Variants in NCDN observed in about 807,000 individuals in gnomAD.
The protein encoded by NCDN is norbin.
Under a neutral mutation model 60.7 loss-of-function variants are expected in NCDN, and 9 were observed. That is an observed-to-expected ratio of 0.15 (90% CI 0.09 to 0.26). The LOEUF is 0.26. NCDN is among the 10% of genes least tolerant of loss of function. The pLI is 1.00. For synonymous variants in NCDN, 409 were observed against 442.5 expected (o/e 0.92, Z 0.95); for missense variants, 578 against 975.2 (o/e 0.59, Z 5.42).
chr1:35,565,674 CCGGG>C lies in NCDN; in HGVS notation c.*12_*15del. On this transcript the variant is annotated 3_prime_UTR_variant, in exon 7 of 7. Transcript: ENST00000373243. This position sits in a 1 kb window ranked among gnomAD's most constrained non-coding sequence, Gnocchi z 8.9. The stretch of plus-strand genomic sequence containing the variant: ...CTGTCAGAGCCCTGAGGGGTGTCCA[CCGGG>C]GACAGACCCAGGGGCGGGCAGAGAG... 1 of 1,539,446 alleles carries C rather than the reference CCGGG, an allele frequency of 6.5e-7. No individual in the cohort carries two copies. Among genetic ancestry groups the C allele is most frequent in the Non-Finnish European group, 8.7e-7 (1 of 1,148,610 alleles).
Position 35,560,391 on chromosome 1 carries a change from C to G in NCDN, c.240C>G (p.Val80=), listed in dbSNP as rs146042879. 8 of 1,614,006 alleles carry G rather than the reference C, an allele frequency of 5.0e-6. No individual in the cohort carries two copies. The highest frequency in any genetic ancestry group is 5.9e-6 in the Non-Finnish European group (7 of 1,180,044). The part of the protein sequence containing the change: ...AKTRRRIFDA[V]GFTFPNRLLT... ...CTCGGCGGCGGATCTTCGATGCTGTCGGCTTCACCTTCCCCAATCGTCTCC... is the reference window on the plus strand; with the variant it reads ...CTCGGCGGCGGATCTTCGATGCTGTGGGCTTCACCTTCCCCAATCGTCTCC... Residue 80 remains valine (V), a synonymous_variant, in exon 3 of 7, where the codon GTC becomes GTG. Coordinates refer to ENST00000373243, the MANE Select transcript of NCDN (RefSeq NM_014284.3). This position sits in a 1 kb window ranked among gnomAD's most constrained non-coding sequence, Gnocchi z 7.6.
chr1:35,564,889 G>A (rs1328838838), intron 6 of NCDN, among the ~76,000 whole-genome samples: 2 of 152,034 alleles, frequency 1.3e-5, no homozygotes, highest in African/African-American at 2.4e-5. Context: ...CCAGAACCCT[G>A]AGGGGTTCTC....
chr1:35,562,392 G>C lies in NCDN; in HGVS notation c.1144G>C (p.Val382Leu), dbSNP rs752994640. The C allele has an allele frequency of 6.2e-7, 1 of 1,613,794 alleles. No individual in the cohort carries two copies. Among genetic ancestry groups the C allele is most frequent in the African/African-American group, 1.3e-5 (1 of 75,048 alleles). ...IGAVIHYLLQVGSEKQKEPFV... is the reference protein window; with the variant it reads ...IGAVIHYLLQLGSEKQKEPFV... ...TCTCAAGGGGGTCCTGTGGCAACAG[G>C]TGGGGTCAGAGAAGCAGAAGGAGCC... The change falls in exon 4 of 7, where the codon GTG becomes CTG. Residue 382 changes from valine (V) to leucine (L), a missense_variant and splice_region_variant. By Grantham distance (32) the Val-to-Leu change is conservative (BLOSUM62 1). Coordinates refer to ENST00000373243, the MANE Select transcript of NCDN (RefSeq NM_014284.3). This position sits in a 1 kb window ranked among gnomAD's most constrained non-coding sequence, Gnocchi z 6.8.
chr1:35,560,258 G>C lies in NCDN; in HGVS notation c.175-68G>C. The stretch of plus-strand genomic sequence containing the variant: ...ATCTTGCTAGTCCTCAGTGCCCCAG[G>C]ATGCAGGAGAGGGACAGTCTTTCCC... On this transcript the variant is annotated intron_variant, in intron 2 of 6. Coordinates refer to ENST00000373243, the MANE Select transcript of NCDN (RefSeq NM_014284.3). This position sits in a 1 kb window ranked among gnomAD's most constrained non-coding sequence, Gnocchi z 7.6. 1 of 1,545,768 alleles carries C rather than the reference G, an allele frequency of 6.5e-7. No homozygotes were observed. The highest frequency in any genetic ancestry group is 2.3e-5 in the East Asian group (1 of 44,380).
Position 35,561,759 on chromosome 1 carries a change from C to T in NCDN, c.1143+465C>T, listed in dbSNP as rs919269486. Reference sequence around the variant, plus strand: ...CTATAGAGGTCTGGCTAGATCAATTCGCCTGCCTCCCCTACATCCCCTCCT... The same window carrying T: ...CTATAGAGGTCTGGCTAGATCAATTTGCCTGCCTCCCCTACATCCCCTCCT... On this transcript the variant is annotated intron_variant, in intron 3 of 6. Transcript: ENST00000373243. This position sits in a 1 kb window ranked among gnomAD's most constrained non-coding sequence, Gnocchi z 4.9. Among the ~76,000 whole-genome samples, 4 of 152,144 alleles carry T rather than the reference C, an allele frequency of 2.6e-5. No homozygotes were observed. Among genetic ancestry groups the T allele is most frequent in the African/African-American group, 7.2e-5 (3 of 41,418 alleles).
chr1:35,563,975 G>T lies in NCDN; in HGVS notation c.1753+66G>T. 1 of 1,515,944 alleles carries T rather than the reference G, an allele frequency of 6.6e-7. No individual in the cohort carries two copies. The highest frequency in any genetic ancestry group is 8.8e-7 in the Non-Finnish European group (1 of 1,133,724). The allele number at this position is 1,515,944 out of a possible 1,614,324, so 93.9% of individuals were successfully genotyped here. On this transcript the variant is annotated intron_variant, in intron 6 of 6. Transcript: ENST00000373243. The surrounding 1 kb of genome is among the most constrained non-coding windows in gnomAD (Gnocchi z 6.6). ...GACCTGGGTGGACCTCCTGTGTTTGGGGCAAAAGTCACCATTTTTAGAAGA... is the reference window on the plus strand; with the variant it reads ...GACCTGGGTGGACCTCCTGTGTTTGTGGCAAAAGTCACCATTTTTAGAAGA...
rs1648694647 is a variant in NCDN at position 35,561,241 on chromosome 1, C to T, written c.1090C>T (p.Leu364Phe). The T allele has an allele frequency of 1.2e-6, 2 of 1,611,118 alleles. No individual in the cohort carries two copies. The change falls in exon 3 of 7, where the codon CTC becomes TTC. Residue 364 changes from leucine (L) to phenylalanine (F), a missense_variant. Coordinates refer to ENST00000373243, the MANE Select transcript of NCDN (RefSeq NM_014284.3). This position sits in a 1 kb window ranked among gnomAD's most constrained non-coding sequence, Gnocchi z 4.9. ...SLLKEPQKVQ[L>F]VSVMKEAIGA... ...GCTTAAGGAGCCACAGAAGGTGCAG[C>T]TCGTGAGCGTCATGAAGGAGGCCAT...
Position 35,562,386 on chromosome 1 carries a change from C to T in NCDN, c.1144-6C>T. ...GCTCCATCTCAAGGGGGTCCTGTGGCAACAGGTGGGGTCAGAGAAGCAGAA... is the reference window on the plus strand; with the variant it reads ...GCTCCATCTCAAGGGGGTCCTGTGGTAACAGGTGGGGTCAGAGAAGCAGAA... On this transcript the variant is annotated splice_region_variant and splice_polypyrimidine_tract_variant and intron_variant, in intron 3 of 6. Coordinates refer to ENST00000373243, the MANE Select transcript of NCDN (RefSeq NM_014284.3). This position sits in a 1 kb window ranked among gnomAD's most constrained non-coding sequence, Gnocchi z 6.8. The T allele has an allele frequency of 6.2e-7, 1 of 1,613,198 alleles. No homozygotes were observed. The highest frequency in any genetic ancestry group is 8.5e-7 in the Non-Finnish European group (1 of 1,179,458).
rs746183935 is a variant in NCDN at position 35,562,479 on chromosome 1, C to T, written c.1231C>T (p.Arg411Cys). 1.2e-5 allele frequency: 20 copies of T among 1,613,976 alleles called. No individual in the cohort carries two copies. The East Asian group carries it at 3.3e-4, about 27-fold the overall frequency. The stretch of plus-strand genomic sequence containing the variant: ...GCTGGCCGAGGAGACCTCATCCTTG[C>T]GTAAGGAGGTGTGCCAGCTGCTGCC... ...AWLAEETSSL[R>C]KEVCQLLPFL... is the part of the protein sequence containing the mutation. Residue 411 changes from arginine to cysteine, a missense_variant, in exon 4 of 7, where the codon CGT (arginine) becomes TGT (cysteine). This residue lies in a region of NCDN where 363 missense variants were observed against 583.6 expected (regional missense o/e 0.62). Coordinates refer to ENST00000373243, the MANE Select transcript of NCDN (RefSeq NM_014284.3). This position sits in a 1 kb window ranked among gnomAD's most constrained non-coding sequence, Gnocchi z 6.8.
chr1:35,560,215 G>A lies in NCDN; in HGVS notation c.175-111G>A, dbSNP rs1028995659. ...AGCTGGATGAAATGACCTCAGATGA[G>A]TCCTGTTGCATAACCTCATCTTGCT... On this transcript the variant is annotated intron_variant, in intron 2 of 6. Transcript: ENST00000373243. This position sits in a 1 kb window ranked among gnomAD's most constrained non-coding sequence, Gnocchi z 7.6. 5.2e-5 allele frequency: 72 copies of A among 1,389,326 alleles called. No homozygotes were observed. The highest frequency in any genetic ancestry group is 4.1e-4 in the South Asian group (31 of 75,422). 86.1% of individuals were successfully genotyped at this position (1,389,326 alleles called of 1,614,324 possible). A position where few individuals can be genotyped will look rare whatever the true frequency, so the allele number is the denominator to read the frequency against.
In NCDN at chr1:35,565,408, C is replaced by T. The variant is rs142690334; in HGVS notation, c.1935C>T (p.Thr645=). 6.8e-5 allele frequency: 110 copies of T among 1,612,710 alleles called. No individual in the cohort carries two copies. The highest frequency in any genetic ancestry group is 8.6e-5 in the Non-Finnish European group (101 of 1,179,368). The change falls in exon 7 of 7, where the codon ACC becomes ACT. Residue 645 remains threonine, a synonymous_variant. Coordinates refer to ENST00000373243, the MANE Select transcript of NCDN (RefSeq NM_014284.3). The surrounding 1 kb of genome is among the most constrained non-coding windows in gnomAD (Gnocchi z 8.9). ...GGTTCCTGGGCATGCAGGCCTTCAC[C>T]GGCTGTGTGCCTCTGCTGCCCTGGC... ...ELWFLGMQAF[T]GCVPLLPWLA... is the part of the protein sequence containing the mutation.
rs1186887015 is a variant in NCDN at position 35,561,036 on chromosome 1, C to A, written c.885C>A (p.Asp295Glu). Reference sequence around the variant, plus strand: ...GCCTGGCACACGCCTGCGGCTCCGACTGGATCCCGGCGGGCAGCTCCGGGA... The same window carrying A: ...GCCTGGCACACGCCTGCGGCTCCGAATGGATCCCGGCGGGCAGCTCCGGGA... ...AARLAHACGS[D>E]WIPAGSSGSK... The change falls in exon 3 of 7, where the codon GAC becomes GAA. Residue 295 changes from aspartate (D) to glutamate (E), a missense_variant. Around this residue, in one of 3 missense-constraint regions of NCDN, gnomAD observed 363 missense variants for 583.6 expected, o/e 0.62. Transcript: ENST00000373243. The surrounding 1 kb of genome is among the most constrained non-coding windows in gnomAD (Gnocchi z 4.9). 1 of 1,613,030 alleles carries A rather than the reference C, an allele frequency of 6.2e-7. No homozygotes were observed. The highest frequency in any genetic ancestry group is 1.7e-5 in the Admixed American group (1 of 59,992).
chr1:35,557,911 C>T lies in NCDN; in HGVS notation c.-280C>T, dbSNP rs1376309438. 4 of 625,848 alleles carry T rather than the reference C, an allele frequency of 6.4e-6. No individual in the cohort carries two copies. Among genetic ancestry groups the T allele is most frequent in the South Asian group, 1.7e-5 (1 of 58,950 alleles). 38.8% of individuals were successfully genotyped at this position (625,848 alleles called of 1,614,324 possible). A position where few individuals can be genotyped will look rare whatever the true frequency, so the allele number is the denominator to read the frequency against. On this transcript the variant is annotated 5_prime_UTR_variant, in exon 1 of 7. Coordinates refer to ENST00000373243, the MANE Select transcript of NCDN (RefSeq NM_014284.3). Reference sequence around the variant, plus strand: ...GAGCTCAGCCCCCTTCGGGCCCTCCCCTGCATCCCAGCCGGGGCCTCTCCG... The same window carrying T: ...GAGCTCAGCCCCCTTCGGGCCCTCCTCTGCATCCCAGCCGGGGCCTCTCCG...
In NCDN at chr1:35,563,286, G is replaced by A. The variant is rs531256783; in HGVS notation, c.1470G>A (p.Leu490=). The change falls in exon 5 of 7, where the codon CTG becomes CTA. Residue 490 remains leucine, a synonymous_variant. Transcript: ENST00000373243. The surrounding 1 kb of genome is among the most constrained non-coding windows in gnomAD (Gnocchi z 6.6). ...TCAAGGAAGGGGCCCCCTCGCTTCT[G>A]TGCAAGTATTTCCTGCAGCAGTGGG... ...ILIKEGAPSL[L]CKYFLQQWEL... 4 of 1,614,188 alleles carry A rather than the reference G, an allele frequency of 2.5e-6. No individual in the cohort carries two copies. The highest frequency in any genetic ancestry group is 1.7e-5 in the Admixed American group (1 of 60,028).
chr1:35,563,328 C>T lies in NCDN; in HGVS notation c.1512C>T (p.Gly504=). ...AGCAGTGGGAACTCACATCCCCTGG[C>T]CACGACACCTCGGTGCTGCCTGACA... ...FLQQWELTSP[G]HDTSVLPDSV... is the part of the protein sequence containing the mutation. The change falls in exon 5 of 7, where the codon GGC becomes GGT. Residue 504 remains glycine, a synonymous_variant. Transcript: ENST00000373243. This position sits in a 1 kb window ranked among gnomAD's most constrained non-coding sequence, Gnocchi z 6.6. 4 of 1,614,196 alleles carry T rather than the reference C, an allele frequency of 2.5e-6. No individual in the cohort carries two copies. The highest frequency in any genetic ancestry group is 3.4e-6 in the Non-Finnish European group (4 of 1,180,034).
In NCDN at chr1:35,563,463, G is replaced by A; in HGVS notation, c.1610+37G>A. The stretch of plus-strand genomic sequence containing the variant: ...GGGAGAGGTGGGGGAGGAGGCCGGA[G>A]GAGGCAAAGGAGGCTGCCCAGTTGC... On this transcript the variant is annotated intron_variant, in intron 5 of 6. Coordinates refer to ENST00000373243, the MANE Select transcript of NCDN (RefSeq NM_014284.3). The surrounding 1 kb of genome is among the most constrained non-coding windows in gnomAD (Gnocchi z 6.6). 1.3e-6 allele frequency: 2 copies of A among 1,592,460 alleles called. No individual in the cohort carries two copies. The highest frequency in any genetic ancestry group is 1.1e-5 in the South Asian group (1 of 90,412).
rs1648887333 is a variant in NCDN, at chr1:35,566,640, C to T, written c.*977C>T. 2 of 353,240 alleles carry T rather than the reference C, an allele frequency of 5.7e-6. No homozygotes were observed. Among genetic ancestry groups the T allele is most frequent in the African/African-American group, 4.9e-5 (2 of 40,832 alleles). The allele number at this position is 353,240 out of a possible 1,614,324, so 21.9% of individuals were successfully genotyped here. On this transcript the variant is annotated 3_prime_UTR_variant, in exon 7 of 7. Transcript: ENST00000373243. The surrounding 1 kb of genome is among the most constrained non-coding windows in gnomAD (Gnocchi z 5.3). ...TAAACCCAGGGGGACCACACACACA[C>T]ACACACACACACACACACACACACA... is the stretch of plus-strand genomic sequence containing the variant.
rs1395323595 is a variant in NCDN, at chr1:35,558,819, A to G, written c.34-288A>G. ...GCCAGCTCCCGCCCACCCCCAGGAG[A>G]CTGGTGAGGAGAGCTGTCCGGCTGA... On this transcript the variant is annotated intron_variant, in intron 1 of 6. Coordinates refer to ENST00000373243, the MANE Select transcript of NCDN (RefSeq NM_014284.3). This position sits in a 1 kb window ranked among gnomAD's most constrained non-coding sequence, Gnocchi z 6.3. 2 of 757,384 alleles carry G rather than the reference A, an allele frequency of 2.6e-6. No homozygotes were observed. The highest frequency in any genetic ancestry group is 3.7e-6 in the Non-Finnish European group (2 of 539,186). The allele number at this position is 757,384 out of a possible 1,614,324, so 46.9% of individuals were successfully genotyped here.
rs1322049555 is a variant in NCDN at position 35,558,605 on chromosome 1, T to A, written c.33+382T>A. 1.7e-6 allele frequency: 2 copies of A among 1,187,124 alleles called. No homozygotes were observed. Among genetic ancestry groups the A allele is most frequent in the African/African-American group, 3.1e-5 (2 of 64,116 alleles). 73.5% of individuals were successfully genotyped at this position (1,187,124 alleles called of 1,614,324 possible). On this transcript the variant is annotated intron_variant, in intron 1 of 6. Transcript: ENST00000373243. The surrounding 1 kb of genome is among the most constrained non-coding windows in gnomAD (Gnocchi z 6.3). ...CACTTCTGAAGCGTATCTCTGCCTC[T>A]GAAGAAGGGAGGGGAAAGGAAGCCT...
Sources: allele counts gnomAD v4.1 joint callset (sites outside exome capture counted in the v4.1 genomes callset), GRCh38; gene constraint gnomAD v4.1.1; regional missense constraint gnomAD v4.1.1; non-coding constraint Gnocchi (gnomAD v3.1); transcripts MANE v1.5; gene names NCBI Gene and HGNC (gene_info 2026-07-23, HGNC 2026-07-21).